GPC5: variants seen among roughly 807,000 people sequenced by gnomAD.
GPC5 encodes glypican-5.
A neutral mutation model predicts 53.9 loss-of-function variants in GPC5; 47 were observed. That is an observed-to-expected ratio of 0.87 (90% confidence interval 0.69 to 1.11). GPC5 has a LOEUF of 1.11. Among genes scored for constraint, GPC5 ranks in the 50% most tolerant of loss-of-function variants. GPC5 has a pLI of 0.00. For synonymous variants in GPC5, 286 were observed against 263.3 expected, an observed-to-expected ratio of 1.09 and a Z score of -0.84; for missense variants, 748 against 713.1, an observed-to-expected ratio of 1.05 and a Z score of -0.56.
At chr13:91,471,473 G>A (rs150292295) in intron 2 of GPC5, among the ~76,000 whole-genome samples, 139 of 152,206 alleles carry the variant, frequency 9.1e-4, no homozygotes, top group African/African-American at 3.2e-3. Flanking sequence ...ACGGTGTTGC[G>A]ATTGTACTGG....
intron 5 of GPC5, among the ~76,000 whole-genome samples, chr13:91,818,169 T>C (rs545825909): frequency 1.3e-5 from 2 of 152,330 alleles, no homozygotes; most frequent in South Asian, 4.1e-4. Context: ...TTATTCTAAG[T>C]TGCAGTTGGT....
intron 6 of GPC5, among the ~76,000 whole-genome samples, chr13:92,056,718 T>G (rs2041077388): frequency 6.6e-6 from 1 of 152,164 alleles, no homozygotes; most frequent in Non-Finnish European, 1.5e-5. Flanking sequence ...CATTTTGGGT[T>G]GTTTGTTTTT....
intron 5 of GPC5, among the ~76,000 whole-genome samples, chr13:91,881,503 C>T (rs1362694091): frequency 6.6e-6 from 1 of 152,130 alleles, no homozygotes. Flanking sequence ...CAAGATGATA[C>T]ATGGGTCTTT....
At chr13:92,515,117 T>C (rs1476944132) in intron 7 of GPC5, among the ~76,000 whole-genome samples, 1 of 152,098 alleles carries the variant, frequency 6.6e-6, no homozygotes, top group Admixed American at 6.5e-5. Context: ...GAATAAAAAC[T>C]AGATGATATA....
chr13:91,948,244 TA>T (rs1202125395), intron 6 of GPC5, among the ~76,000 whole-genome samples: 6 of 136,628 alleles, frequency 4.4e-5, no homozygotes, highest in Non-Finnish European at 7.9e-5. Flanking sequence ...AAAAAAAAAA[TA>T]AATAATAATA....
intron 2 of GPC5, among the ~76,000 whole-genome samples, chr13:91,570,363 T>C (rs2031727283): frequency 6.6e-6 from 1 of 152,176 alleles, no homozygotes; most frequent in Admixed American, 6.6e-5. Context: ...AAAGGAAATG[T>C]TCCTTGGCAT....
At chr13:92,533,086 GTTCAT>G (rs928034617) in intron 7 of GPC5, among the ~76,000 whole-genome samples, 10 of 151,988 alleles carry the variant, frequency 6.6e-5, no homozygotes, top group African/African-American at 2.2e-4. Flanking sequence ...TAAAAAGTTG[GTTCAT>G]TTCTTCTTGA....
intron 6 of GPC5, among the ~76,000 whole-genome samples, chr13:92,055,038 C>T (rs1181290369): frequency 6.6e-6 from 1 of 152,154 alleles, no homozygotes; most frequent in Non-Finnish European, 1.5e-5. Context: ...TTTGATTTCT[C>T]TATTGTTGTA....
At chr13:91,733,905 C>G (rs2036757682) in intron 4 of GPC5, among the ~76,000 whole-genome samples, 2 of 152,050 alleles carry the variant, frequency 1.3e-5, no homozygotes, top group Non-Finnish European at 2.9e-5. Context: ...TGTTTTATGC[C>G]CATTTTCAAA....
At chr13:91,487,848 T>C (rs1450072789) in intron 2 of GPC5, among the ~76,000 whole-genome samples, 2 of 152,156 alleles carry the variant, frequency 1.3e-5, no homozygotes, top group Non-Finnish European at 2.9e-5. Flanking sequence ...TATGTTAGGA[T>C]TATCCTACCA....
At chr13:92,563,060 G>A (rs7330261) in intron 7 of GPC5, among the ~76,000 whole-genome samples, 1 of 151,864 alleles carries the variant, frequency 6.6e-6, no homozygotes, top group Non-Finnish European at 1.5e-5. Flanking sequence ...GTTTGGTGAC[G>A]GGCAGGTACC....
intron 7 of GPC5, among the ~76,000 whole-genome samples, chr13:92,321,957 T>A (rs1011977132): frequency 6.6e-6 from 1 of 152,148 alleles, no homozygotes; most frequent in East Asian, 1.9e-4. Context: ...ATAATCTATA[T>A]TTTCATTTCA....
chr13:91,972,737 G>A (rs560590013), intron 6 of GPC5, among the ~76,000 whole-genome samples: 1 of 152,170 alleles, frequency 6.6e-6, no homozygotes, highest in East Asian at 1.9e-4. Flanking sequence ...GCTTAGTTTG[G>A]CTGGATATGA....
At chr13:92,760,632 G>C (rs1875128169) in intron 7 of GPC5, among the ~76,000 whole-genome samples, 1 of 149,508 alleles carries the variant, frequency 6.7e-6, no homozygotes, top group Non-Finnish European at 1.5e-5. Context: ...TTTTTCCTAT[G>C]ATTTTTCTTT....
At position 92,756,230 on chromosome 13, in the gene GPC5, C is replaced by T. The variant is rs9742947; in HGVS notation, c.1562-110052C>T. ...TATAAACAGAGCCAAAGACAAAAAC[C>T]ACATGATTATCTCAATAGATGCAGA... On this transcript the variant is annotated intron_variant, in intron 7 of 7. Coordinates refer to ENST00000377067, the MANE Select transcript of GPC5 (RefSeq NM_004466.6). Among the ~76,000 whole-genome samples the T allele has an allele frequency of 8.3e-3, 1,262 of 151,946 alleles. 15 individuals carry two copies. The highest frequency in any genetic ancestry group is 0.029 in the African/African-American group (1,209 of 41,430).
At chr13:92,188,146 T>C (rs1025197005) in intron 7 of GPC5, among the ~76,000 whole-genome samples, 2 of 152,148 alleles carry the variant, frequency 1.3e-5, no homozygotes, top group Non-Finnish European at 2.9e-5. Flanking sequence ...AACAGGGCTC[T>C]TTAAAAATAC....
At chr13:92,124,654 C>G (rs1361428862) in intron 6 of GPC5, among the ~76,000 whole-genome samples, 7 of 152,108 alleles carry the variant, frequency 4.6e-5, no homozygotes, top group African/African-American at 1.4e-4. Flanking sequence ...CAGAGAGCAT[C>G]TCTACTGCAT....
At chr13:92,138,983 T>TA (rs1007472591) in intron 6 of GPC5, among the ~76,000 whole-genome samples, 47 of 152,222 alleles carry the variant, frequency 3.1e-4, no homozygotes, top group African/African-American at 1.0e-3. Flanking sequence ...TCCAGATTTA[T>TA]AATGAAGCAT....
intron 5 of GPC5, among the ~76,000 whole-genome samples, chr13:91,828,632 T>A (rs1487075831): frequency 6.6e-6 from 1 of 152,014 alleles, no homozygotes; most frequent in Non-Finnish European, 1.5e-5. Context: ...AAGTAAATGC[T>A]TTCTCAAAGA....
Sources: gnomAD v4.1 joint callset for allele counts (sites outside exome capture counted in the v4.1 genomes callset) on GRCh38, gnomAD v4.1.1 for gene constraint, MANE v1.5 for transcripts, NCBI Gene and HGNC (gene_info 2026-07-23, HGNC 2026-07-21) for gene names.